Variants in ZSWIM6 observed in about 807,000 individuals in gnomAD.
ZSWIM6 encodes the protein zinc finger SWIM domain-containing protein 6.
In ZSWIM6, 9 loss-of-function variants were observed where a neutral mutation model predicts 113.2. That is an observed-to-expected ratio of 0.08 (90% CI 0.05 to 0.14). The LOEUF is 0.14. ZSWIM6 is among the 10% of genes least tolerant of loss of function. The probability of loss-of-function intolerance (pLI) is 1.00; values close to 1 mark genes in which losing one functional copy is unlikely to be tolerated. For missense variants in ZSWIM6, 1,162 were observed against 1,552.2 expected, an observed-to-expected ratio of 0.75 and a Z score of 4.22; for synonymous variants, 611 against 606.5, an observed-to-expected ratio of 1.01 and a Z score of -0.11.
chr5:61,404,535 A>G (rs899976965), intron 1 of ZSWIM6, among the ~76,000 whole-genome samples: 14 of 152,182 alleles, frequency 9.2e-5, no homozygotes, highest in African/African-American at 3.4e-4. Context: ...ACCTTATGGT[A>G]GAGGAGGGAA....
chr5:61,332,999 T>TGGGGGGGGGGGGGGGGGGGGGG, intron 1 of ZSWIM6, 51 bp downstream of exon 1: 1 of 622,590 alleles, frequency 1.6e-6, no homozygotes, highest in Non-Finnish European at 1.9e-6. Context: ...AGTCCCTGGG[T>TGGGGGGGGGGGGGGGGGGGGGG]GGGGGGGGGG....
At chr5:61,519,379 C>G (rs895252293) in intron 4 of ZSWIM6, among the ~76,000 whole-genome samples, 1 of 151,962 alleles carries the variant, frequency 6.6e-6, no homozygotes, top group Non-Finnish European at 1.5e-5. Context: ...CTGCATGTGT[C>G]GTTTATAAAG....
At chr5:61,350,218 AC>A (rs1184862474) in intron 1 of ZSWIM6, among the ~76,000 whole-genome samples, 2 of 152,032 alleles carry the variant, frequency 1.3e-5, no homozygotes, top group South Asian at 2.1e-4. Context: ...CTATACAGTC[AC>A]CTCTTTCACT....
chr5:61,383,460 G>T (rs1439891383), intron 1 of ZSWIM6, among the ~76,000 whole-genome samples: 2 of 152,140 alleles, frequency 1.3e-5, no homozygotes, highest in African/African-American at 4.8e-5. Flanking sequence ...AGTGAATGAA[G>T]ACCAGGAAAG....
At position 61,333,786 on chromosome 5, in the gene ZSWIM6, G is replaced by C. The variant is rs939044938; in HGVS notation, c.676+838G>C. Among the ~76,000 whole-genome samples, 4 of 152,108 alleles carry C rather than the reference G, an allele frequency of 2.6e-5. No homozygotes were observed. The South Asian group carries it at 6.2e-4, about 24-fold the overall frequency. ...AGCTGCCTCCAGACACCCCTGTGCGGGCCGCGGCGCAGCCCTTGTGCCCCG... is the reference window on the plus strand; with the variant it reads ...AGCTGCCTCCAGACACCCCTGTGCGCGCCGCGGCGCAGCCCTTGTGCCCCG... On this transcript the variant is annotated intron_variant, in intron 1 of 13. Transcript: ENST00000252744.
At chr5:61,460,910 A>AT (rs1480107541) in intron 1 of ZSWIM6, among the ~76,000 whole-genome samples, 1 of 152,018 alleles carries the variant, frequency 6.6e-6, no homozygotes, top group East Asian at 1.9e-4. Context: ...TTTTGCATAG[A>AT]TAAACCCTAC....
At position 61,526,204 on chromosome 5, in the gene ZSWIM6, A is replaced by G. The variant is rs183354495; in HGVS notation, c.1691-46A>G. Reference sequence around the variant, plus strand: ...TTACTATTAAATTCTTTTTTTATGGATATATCTGACAGTGGCAACTTTACC... The same window carrying G: ...TTACTATTAAATTCTTTTTTTATGGGTATATCTGACAGTGGCAACTTTACC... On this transcript the variant is annotated intron_variant, in intron 6 of 13. Coordinates refer to ENST00000252744, the MANE Select transcript of ZSWIM6 (RefSeq NM_020928.2). 6 of 1,514,632 alleles carry G rather than the reference A, an allele frequency of 4.0e-6. No homozygotes were observed. In the Admixed American group the frequency reaches 1.4e-4, roughly 37 times the overall value. The allele number at this position is 1,514,632 out of a possible 1,614,324, so 93.8% of individuals were successfully genotyped here. A position where few individuals can be genotyped will look rare whatever the true frequency, so the allele number is the denominator to read the frequency against.
rs1332795745 is a variant in ZSWIM6 at position 61,543,505 on chromosome 5, C to A, written c.2836C>A (p.Pro946Thr). 2 of 1,551,232 alleles carry A rather than the reference C, an allele frequency of 1.3e-6. No individual in the cohort carries two copies. The highest frequency in any genetic ancestry group is 1.7e-6 in the Non-Finnish European group (2 of 1,146,956). ...IMQTWFTLFT[P>T]TEATSIVATT... The stretch of plus-strand genomic sequence containing the variant: ...GCAGACCTGGTTTACACTCTTTACT[C>A]CCACCGAGGCCACAAGTATAGTTGC... The change falls in exon 14 of 14, where the codon CCC becomes ACC. Residue 946 changes from proline (P) to threonine (T), a missense_variant. By Grantham distance (38) the Pro-to-Thr change is conservative. Coordinates refer to ENST00000252744, the MANE Select transcript of ZSWIM6 (RefSeq NM_020928.2). The surrounding 1 kb of genome is among the most constrained non-coding windows in gnomAD (Gnocchi z 4.3).
chr5:61,369,331 T>G (rs1269514195), intron 1 of ZSWIM6, among the ~76,000 whole-genome samples: 1 of 152,210 alleles, frequency 6.6e-6, no homozygotes, highest in Non-Finnish European at 1.5e-5. Context: ...GTTACTATAT[T>G]ACAGAATTAA....
chr5:61,482,240 C>T (rs1171978819), intron 2 of ZSWIM6, among the ~76,000 whole-genome samples: 1 of 151,950 alleles, frequency 6.6e-6, no homozygotes, highest in Non-Finnish European at 1.5e-5. Context: ...ATAGTTAAAA[C>T]TATAAGAATA....
chr5:61,529,317 T>C (rs13172084), intron 7 of ZSWIM6, among the ~76,000 whole-genome samples: 57,301 of 152,194 alleles, frequency 0.38, 10,943 homozygotes, highest in South Asian at 0.43. Context: ...TAGCTTTTTT[T>C]CCCAGCATTC....
chr5:61,433,663 G>A (rs571533377), intron 1 of ZSWIM6, among the ~76,000 whole-genome samples: 13 of 152,036 alleles, frequency 8.6e-5, no homozygotes, highest in Admixed American at 5.9e-4. Context: ...TAGTGGAGAC[G>A]GGGTTGCACC....
chr5:61,351,374 C>T (rs976954608), intron 1 of ZSWIM6, among the ~76,000 whole-genome samples: 2 of 152,132 alleles, frequency 1.3e-5, no homozygotes, highest in East Asian at 1.9e-4. Context: ...GAATATGTAC[C>T]ATGGCAAGTG....
chr5:61,437,249 C>T (rs1362473035), intron 1 of ZSWIM6, among the ~76,000 whole-genome samples: 10 of 152,170 alleles, frequency 6.6e-5, no homozygotes, highest in Non-Finnish European at 1.5e-5. Flanking sequence ...TAAACTTCTA[C>T]ATCTGAAAGG....
At chr5:61,518,499 T>C (rs1170528346) in intron 4 of ZSWIM6, among the ~76,000 whole-genome samples, 1 of 152,156 alleles carries the variant, frequency 6.6e-6, no homozygotes, top group Non-Finnish European at 1.5e-5. Context: ...TGTGAAATGG[T>C]ATCTCATTGT....
chr5:61,505,917 T>C (rs1448244389), intron 4 of ZSWIM6, among the ~76,000 whole-genome samples: 1 of 151,620 alleles, frequency 6.6e-6, no homozygotes, highest in Non-Finnish European at 1.5e-5. Flanking sequence ...CAGCTAATTT[T>C]TTGTATTTTT....
chr5:61,447,282 C>T (rs1238753827), intron 1 of ZSWIM6, among the ~76,000 whole-genome samples: 2 of 152,142 alleles, frequency 1.3e-5, no homozygotes, highest in African/African-American at 4.8e-5. Context: ...ATTCTGATTT[C>T]CCATAACTGT....
intron 4 of ZSWIM6, among the ~76,000 whole-genome samples, chr5:61,520,998 A>G (rs1749101110): frequency 6.6e-6 from 1 of 152,048 alleles, no homozygotes; most frequent in South Asian, 2.1e-4. Context: ...CAAACTTTGG[A>G]TCTATTGTCC....
At chr5:61,372,586 C>T (rs1261434185) in intron 1 of ZSWIM6, among the ~76,000 whole-genome samples, 1 of 152,214 alleles carries the variant, frequency 6.6e-6, no homozygotes. Context: ...CCACCTTCCT[C>T]TTCCCGCTTT....
Sources: gnomAD v4.1 joint callset for allele counts (sites outside exome capture counted in the v4.1 genomes callset) on GRCh38, gnomAD v4.1.1 for gene constraint, Gnocchi (gnomAD v3.1) non-coding constraint, MANE v1.5 for transcripts, NCBI Gene and HGNC (gene_info 2026-07-23, HGNC 2026-07-21) for gene names.